CLSTN2: variants seen among roughly 807,000 people sequenced by gnomAD.
CLSTN2 encodes calsyntenin-2.
CLSTN2 carries 48 observed loss-of-function variants against 101.2 expected under a neutral mutation model. The observed-to-expected ratio is 0.47, with a 90% CI of 0.38 to 0.60. The LOEUF is 0.60. Ranked by LOEUF, CLSTN2 falls within the 20% of genes least tolerant of loss-of-function variation. The probability of loss-of-function intolerance (pLI) is 0.00; values close to 1 mark genes in which losing one functional copy is unlikely to be tolerated. For synonymous variants in CLSTN2, 481 were observed against 463.6 expected (o/e 1.04, Z -0.48); for missense variants, 1,160 against 1,238.2 (o/e 0.94, Z 0.95).
intron 1 of CLSTN2, among the ~76,000 whole-genome samples, chr3:140,006,760 G>C (rs760720888): frequency 2.0e-5 from 3 of 152,074 alleles, no homozygotes; most frequent in Non-Finnish European, 4.4e-5. Context: ...TATTGCAAGG[G>C]TTATATATAA....
chr3:140,372,164 A>G (rs866156262), intron 2 of CLSTN2, among the ~76,000 whole-genome samples: 6 of 152,152 alleles, frequency 3.9e-5, no homozygotes, highest in Non-Finnish European at 8.8e-5. Context: ...CTCCCCAGCC[A>G]CCGTGCTCCT....
intron 2 of CLSTN2, among the ~76,000 whole-genome samples, chr3:140,225,894 A>G (rs1264236702): frequency 6.6e-6 from 1 of 151,582 alleles, no homozygotes; most frequent in African/African-American, 2.4e-5. Flanking sequence ...CAAGTGTCAA[A>G]ATCTCCATAA....
intron 2 of CLSTN2, among the ~76,000 whole-genome samples, chr3:140,401,855 T>C (rs1179423402): frequency 2.0e-5 from 3 of 152,224 alleles, no homozygotes; most frequent in Non-Finnish European, 2.9e-5. Flanking sequence ...AGAAACCCTA[T>C]TCTCCTGCCC....
chr3:140,360,549 A>G (rs747512952), intron 2 of CLSTN2, among the ~76,000 whole-genome samples: 1 of 152,198 alleles, frequency 6.6e-6, no homozygotes, highest in Non-Finnish European at 1.5e-5. Context: ...CTAAGTAATG[A>G]GAACGTGCTG....
chr3:140,203,590 C>T (rs996235244), intron 2 of CLSTN2, among the ~76,000 whole-genome samples: 4 of 150,886 alleles, frequency 2.7e-5, no homozygotes, highest in Non-Finnish European at 5.9e-5. Flanking sequence ...GCGCATGGCC[C>T]GTGCCTCTGC....
intron 1 of CLSTN2, among the ~76,000 whole-genome samples, chr3:140,050,611 A>C (rs960005112): frequency 3.9e-5 from 6 of 152,204 alleles, no homozygotes; most frequent in Admixed American, 1.3e-4. Flanking sequence ...ACTGGGACCC[A>C]GCAGAGAGGA....
Position 140,076,625 on chromosome 3 carries a change from GTTTTTTTTTTTTT to G in CLSTN2, c.110-99310_110-99298del, listed in dbSNP as rs35645750. Among the ~76,000 whole-genome samples the G allele has an allele frequency of 6.0e-4, 23 of 38,072 alleles. No homozygotes were observed. In the South Asian group the frequency reaches 9.6e-3, roughly 16 times the overall value. The allele number at this position is 38,072 out of a possible 152,430, so 25.0% of individuals were successfully genotyped here. The stretch of plus-strand genomic sequence containing the variant: ...CAATGACTCCCCTCTCACCAGCAGT[GTTTTTTTTTTTTT>G]TTTTTTTTTTTTTTTCCTAGCCTTC... On this transcript the variant is annotated intron_variant, in intron 1 of 16. Coordinates refer to ENST00000458420, the MANE Select transcript of CLSTN2 (RefSeq NM_022131.3).
chr3:140,448,975 C>T (rs1454675340), intron 6 of CLSTN2, among the ~76,000 whole-genome samples: 2 of 152,084 alleles, frequency 1.3e-5, no homozygotes, highest in Non-Finnish European at 2.9e-5. Flanking sequence ...TTTGGTAAAA[C>T]GGGAATTAAA....
intron 1 of CLSTN2, among the ~76,000 whole-genome samples, chr3:140,074,849 CCCACTGCAATG>C (rs2008458863): frequency 6.6e-6 from 1 of 152,146 alleles, no homozygotes; most frequent in Non-Finnish European, 1.5e-5. Context: ...GTGACCTACC[CCCACTGCAATG>C]CCTTCCCTGG....
At chr3:140,278,199 C>A (rs916830871) in intron 2 of CLSTN2, among the ~76,000 whole-genome samples, 2 of 152,188 alleles carry the variant, frequency 1.3e-5, no homozygotes, top group African/African-American at 4.8e-5. Flanking sequence ...GTTGCCTGGA[C>A]AATTGTGGCC....
intron 1 of CLSTN2, among the ~76,000 whole-genome samples, chr3:140,016,521 C>A (rs917123488): frequency 2.0e-5 from 3 of 151,896 alleles, no homozygotes; most frequent in Non-Finnish European, 4.4e-5. Flanking sequence ...AACTCACAGG[C>A]TGGGCATGGT....
At chr3:140,478,213 T>A (rs1320062925) in intron 8 of CLSTN2, among the ~76,000 whole-genome samples, 2 of 152,028 alleles carry the variant, frequency 1.3e-5, no homozygotes, top group Non-Finnish European at 2.9e-5. Context: ...CTTAATTTTT[T>A]AAAAAAATTA....
intron 2 of CLSTN2, among the ~76,000 whole-genome samples, chr3:140,290,179 G>C (rs546773684): frequency 6.6e-6 from 1 of 151,960 alleles, no homozygotes; most frequent in African/African-American, 2.4e-5. Context: ...CACCCATTTC[G>C]ATGAAGTGTT....
chr3:140,399,279 A>T (rs1455858220), intron 2 of CLSTN2, among the ~76,000 whole-genome samples: 3 of 152,258 alleles, frequency 2.0e-5, no homozygotes, highest in Non-Finnish European at 4.4e-5. Context: ...CTCTGTTAGT[A>T]TAATAACAAA....
intron 2 of CLSTN2, among the ~76,000 whole-genome samples, chr3:140,345,525 C>T (rs1227626124): frequency 6.6e-6 from 1 of 151,832 alleles, no homozygotes; most frequent in Non-Finnish European, 1.5e-5. Context: ...GTTGGGATTA[C>T]AGCCATGAGC....
At chr3:140,224,269 A>G (rs1404456419) in intron 2 of CLSTN2, among the ~76,000 whole-genome samples, 1 of 152,194 alleles carries the variant, frequency 6.6e-6, no homozygotes, top group Non-Finnish European at 1.5e-5. Context: ...TTTCTCATCT[A>G]CAGAAGACAG....
At position 140,008,225 on chromosome 3, in the gene CLSTN2, T is replaced by G. The variant is rs570130651; in HGVS notation, c.109+72742T>G. ...TTGAATGTGTCCCATGAGTGTCCTG[T>G]GCTTCCTCAAGGGAATAGCTGTGAG... On this transcript the variant is annotated intron_variant, in intron 1 of 16. Coordinates refer to ENST00000458420, the MANE Select transcript of CLSTN2 (RefSeq NM_022131.3). Among the ~76,000 whole-genome samples, 171 of 152,362 alleles carry G rather than the reference T, an allele frequency of 1.1e-3. 1 individual carries two copies. Among genetic ancestry groups the G allele is most frequent in the Middle Eastern group, 6.8e-3 (2 of 294 alleles).
chr3:140,162,576 G>C (rs2010065802), intron 1 of CLSTN2, among the ~76,000 whole-genome samples: 1 of 152,096 alleles, frequency 6.6e-6, no homozygotes, highest in African/African-American at 2.4e-5. Flanking sequence ...CTGATTGTGG[G>C]GATGACCTAG....
At chr3:140,333,897 C>T (rs997397781) in intron 2 of CLSTN2, among the ~76,000 whole-genome samples, 1 of 152,050 alleles carries the variant, frequency 6.6e-6, no homozygotes, top group African/African-American at 2.4e-5. Context: ...TCTGTTGATA[C>T]TTTTATGAGC....
Sources: gnomAD v4.1 joint callset for allele counts (sites outside exome capture counted in the v4.1 genomes callset) on GRCh38, gnomAD v4.1.1 for gene constraint, MANE v1.5 for transcripts, NCBI Gene and HGNC (gene_info 2026-07-23, HGNC 2026-07-21) for gene names.